The following GRB14 variants were observed in gnomAD, a reference collection of about 807,000 sequenced individuals.
GRB14 encodes the protein growth factor receptor bound protein 14, also known as growth factor receptor-bound protein 14.
Under a neutral mutation model 69.1 loss-of-function variants are expected in GRB14, and 38 were observed. That is an observed-to-expected ratio of 0.55 (90% confidence interval 0.42 to 0.72). The LOEUF is 0.72. Ranked by LOEUF, GRB14 falls within the 30% of genes least tolerant of loss-of-function variation. GRB14 has a pLI of 0.00. For synonymous variants in GRB14, 247 were observed against 241.3 expected (o/e 1.02, Z -0.22); for missense variants, 666 against 666.1 (o/e 1.00, Z 0.00).
chr2:164,592,291 C>G (rs867183067), intron 2 of GRB14, among the ~76,000 whole-genome samples: 1 of 152,020 alleles, frequency 6.6e-6, no homozygotes, highest in Non-Finnish European at 1.5e-5. Flanking sequence ...CCTATCATCA[C>G]GCCAGGTTAA....
At position 164,536,559 on chromosome 2, in the gene GRB14, G is replaced by A. The variant is rs145885362; in HGVS notation, c.482-9424C>T. 1.4e-3 allele frequency among the ~76,000 whole-genome samples: 213 copies of A among 151,974 alleles called. 7 individuals carry two copies. The East Asian group carries it at 0.034, about 24-fold the overall frequency. ...CCTTTCAGTATATTCCTTTCTTGTCGTTTTCTCTTGCTCTATATGAGTGTA... is the reference window on the plus strand; with the variant it reads ...CCTTTCAGTATATTCCTTTCTTGTCATTTTCTCTTGCTCTATATGAGTGTA... On this transcript the variant is annotated intron_variant, in intron 3 of 13. Coordinates refer to ENST00000263915, the MANE Select transcript of GRB14 (RefSeq NM_004490.3).
intron 2 of GRB14, among the ~76,000 whole-genome samples, chr2:164,549,570 A>G (rs1688473259): frequency 6.6e-6 from 1 of 152,156 alleles, no homozygotes; most frequent in East Asian, 1.9e-4. Context: ...TGTATCTCTT[A>G]TCAATATTAT....
At chr2:164,596,018 G>T (rs1689773418) in intron 2 of GRB14, among the ~76,000 whole-genome samples, 1 of 152,146 alleles carries the variant, frequency 6.6e-6, no homozygotes, top group Admixed American at 6.5e-5. Flanking sequence ...CAGCCACTCG[G>T]AAGGCTGAGG....
chr2:164,497,061 T>G lies in GRB14; in HGVS notation c.1329A>C (p.Lys443Asn), dbSNP rs373970264. Residue 443 changes from lysine (K) to asparagine (N), a missense_variant, in exon 12 of 14, where the codon AAA becomes AAC. Lys to Asn is a moderately conservative substitution (Grantham distance 94, BLOSUM62 0). Transcript: ENST00000263915. ...ATCGCTGAGCCTCATCTCTAGAAAT[T>G]TTGTGGTGAAACCATGGCTGGGACC... ...IHRSQPWFHH[K>N]ISRDEAQRLI... 6.2e-7 allele frequency: 1 copy of G among 1,613,920 alleles called. No homozygotes were observed. The highest frequency in any genetic ancestry group is 8.5e-7 in the Non-Finnish European group (1 of 1,179,878).
At position 164,493,027 on chromosome 2, in the gene GRB14, C is replaced by T. The variant is rs2105251228; in HGVS notation, c.*9G>A. On this transcript the variant is annotated 3_prime_UTR_variant, in exon 14 of 14. Coordinates refer to ENST00000263915, the MANE Select transcript of GRB14 (RefSeq NM_004490.3). ...CCTTCAATAGTTTAATAAGTCACTTCTGGCTTGTCTAGAGAGCAATCCTAG... is the reference window on the plus strand; with the variant it reads ...CCTTCAATAGTTTAATAAGTCACTTTTGGCTTGTCTAGAGAGCAATCCTAG... The T allele has an allele frequency of 1.2e-6, 2 of 1,608,876 alleles. No individual in the cohort carries two copies. Among genetic ancestry groups the T allele is most frequent in the South Asian group, 1.1e-5 (1 of 90,064 alleles).
At chr2:164,537,875 G>C (rs1458488002) in intron 3 of GRB14, among the ~76,000 whole-genome samples, 1 of 152,076 alleles carries the variant, frequency 6.6e-6, no homozygotes, top group Non-Finnish European at 1.5e-5. Flanking sequence ...TGTCCCAAAG[G>C]CTTCACAATG....
chr2:164,541,540 A>T (rs1688240055), intron 3 of GRB14, among the ~76,000 whole-genome samples: 1 of 151,800 alleles, frequency 6.6e-6, no homozygotes, highest in Non-Finnish European at 1.5e-5. Context: ...GTTTGAGTCC[A>T]GGAATCTGAG....
intron 2 of GRB14, among the ~76,000 whole-genome samples, chr2:164,579,501 GCACACACACACACACACACACACACA>G (rs61305070): frequency 1.4e-5 from 2 of 145,010 alleles, no homozygotes; most frequent in Non-Finnish European, 3.0e-5. Context: ...GGGCACACTT[GCACACACACACACACACACACACACA>G]CACACACACA....
At chr2:164,581,434 C>T (rs1031886218) in intron 2 of GRB14, among the ~76,000 whole-genome samples, 3 of 152,002 alleles carry the variant, frequency 2.0e-5, no homozygotes, top group Admixed American at 6.6e-5. Context: ...CTAATGTTTC[C>T]GTGAAAACAG....
chr2:164,546,894 G>A (rs1447029068), intron 3 of GRB14, among the ~76,000 whole-genome samples: 2 of 152,060 alleles, frequency 1.3e-5, no homozygotes, highest in Non-Finnish European at 1.5e-5. Flanking sequence ...CATCCCACAG[G>A]TCCCCTGGCC....
intron 12 of GRB14, among the ~76,000 whole-genome samples, chr2:164,495,792 C>T (rs764508764): frequency 8.5e-5 from 13 of 152,152 alleles, no homozygotes; most frequent in Non-Finnish European, 1.6e-4. Flanking sequence ...TTTCCCATTC[C>T]CAAGTAGATC....
chr2:164,591,877 C>A (rs1689672364), intron 2 of GRB14, among the ~76,000 whole-genome samples: 1 of 151,970 alleles, frequency 6.6e-6, no homozygotes, highest in Non-Finnish European at 1.5e-5. Flanking sequence ...GTGGGAGGGA[C>A]CCAGTGGGAG....
chr2:164,604,456 TTAAA>T (rs777816328), intron 2 of GRB14, among the ~76,000 whole-genome samples: 5 of 152,104 alleles, frequency 3.3e-5, no homozygotes, highest in Non-Finnish European at 5.9e-5. Flanking sequence ...CAATATATTT[TTAAA>T]TAAATCATTA....
In GRB14 at chr2:164,497,426, T is replaced by A; in HGVS notation, c.1169A>T (p.Glu390Val). 6.2e-7 allele frequency: 1 copy of A among 1,613,912 alleles called. No individual in the cohort carries two copies. Among genetic ancestry groups the A allele is most frequent in the South Asian group, 1.1e-5 (1 of 91,066 alleles). ...AACTGAAAGGGCTTCAGTGGGATTT[T>A]CTATAACTCTGCTTTTCTGGCCTGA... Reference protein sequence around the residue: ...DFSGQKSRVIENPTEALSVAV... With the variant: ...DFSGQKSRVIVNPTEALSVAV... The change falls in exon 10 of 14, where the codon GAA becomes GTA. Residue 390 changes from glutamate (E) to valine (V), a missense_variant. Glu to Val is a moderately radical substitution (Grantham distance 121). Coordinates refer to ENST00000263915, the MANE Select transcript of GRB14 (RefSeq NM_004490.3).
At chr2:164,528,000 A>G (rs1687826704) in intron 3 of GRB14, among the ~76,000 whole-genome samples, 1 of 152,096 alleles carries the variant, frequency 6.6e-6, no homozygotes, top group African/African-American at 2.4e-5. Flanking sequence ...AATATACTAC[A>G]ACAACCCACA....
At chr2:164,557,000 A>T (rs1421276905) in intron 2 of GRB14, among the ~76,000 whole-genome samples, 1 of 152,238 alleles carries the variant, frequency 6.6e-6, no homozygotes, top group Admixed American at 6.5e-5. Flanking sequence ...GAAAAGACAC[A>T]TGTGAACCAA....
At chr2:164,533,051 C>T (rs941406563) in intron 3 of GRB14, among the ~76,000 whole-genome samples, 2 of 151,948 alleles carry the variant, frequency 1.3e-5, no homozygotes, top group Non-Finnish European at 2.9e-5. Context: ...TGTCTGAGCC[C>T]AAGTTGATGT....
chr2:164,498,153 C>A (rs1686954224), intron 9 of GRB14, among the ~76,000 whole-genome samples: 1 of 151,912 alleles, frequency 6.6e-6, no homozygotes, highest in Admixed American at 6.6e-5. Flanking sequence ...ATTCCATAAC[C>A]TTAAAATTTC....
At chr2:164,520,863 G>A (rs763791810) in intron 6 of GRB14, among the ~76,000 whole-genome samples, 1 of 152,078 alleles carries the variant, frequency 6.6e-6, no homozygotes, top group African/African-American at 2.4e-5. Flanking sequence ...AATAACAGTA[G>A]ATGTTGGTGT....
Sources: gnomAD v4.1 joint callset for allele counts (sites outside exome capture counted in the v4.1 genomes callset) on GRCh38, gnomAD v4.1.1 for gene constraint, MANE v1.5 for transcripts, NCBI Gene and HGNC (gene_info 2026-07-23, HGNC 2026-07-21) for gene names.